PTPN14: variants seen among roughly 807,000 people sequenced by gnomAD.
PTPN14 encodes the protein protein tyrosine phosphatase non-receptor type 14.
PTPN14 carries 53 observed loss-of-function variants against 126.8 expected under a neutral mutation model. That is an observed-to-expected ratio of 0.42 (90% CI 0.34 to 0.53). The LOEUF (loss-of-function observed/expected upper bound fraction) is 0.53, where lower values mean the gene tolerates loss of function less well. PTPN14 is among the 20% of genes least tolerant of loss of function. The probability of loss-of-function intolerance (pLI) is 0.08; values close to 1 mark genes in which losing one functional copy is unlikely to be tolerated. For synonymous variants in PTPN14, 630 were observed against 599.3 expected, an observed-to-expected ratio of 1.05 and a Z score of -0.75; for missense variants, 1,257 against 1,552.9, an observed-to-expected ratio of 0.81 and a Z score of 3.20.
intron 3 of PTPN14, among the ~76,000 whole-genome samples, chr1:214,416,973 A>G (rs1659441071): frequency 6.6e-6 from 1 of 152,068 alleles, no homozygotes; most frequent in African/African-American, 2.4e-5. Context: ...ATGCAATTTC[A>G]TGGAAGTATA....
intron 3 of PTPN14, among the ~76,000 whole-genome samples, chr1:214,417,020 GA>G (rs60070494): frequency 0.013 from 1,860 of 141,066 alleles, 46 homozygotes; most frequent in African/African-American, 0.044. Context: ...AGGGGAAAAG[GA>G]AAAAAAAAAA....
chr1:214,395,286 T>C (rs918245100), intron 8 of PTPN14, among the ~76,000 whole-genome samples: 1 of 152,164 alleles, frequency 6.6e-6, no homozygotes, highest in African/African-American at 2.4e-5. Context: ...TTTTTTCACA[T>C]TTCCAAAGTG....
chr1:214,497,673 A>G (rs984116159), intron 1 of PTPN14, among the ~76,000 whole-genome samples: 1 of 152,220 alleles, frequency 6.6e-6, no homozygotes, highest in African/African-American at 2.4e-5. Flanking sequence ...TACTCCTGAG[A>G]CAGGCAGCTT....
chr1:214,457,946 G>A (rs759953618), intron 2 of PTPN14, among the ~76,000 whole-genome samples: 2 of 152,014 alleles, frequency 1.3e-5, no homozygotes, highest in Non-Finnish European at 2.9e-5. Context: ...GCTGTTCGAG[G>A]AACTGAAAGA....
intron 1 of PTPN14, among the ~76,000 whole-genome samples, chr1:214,476,042 A>C (rs1447611243): frequency 1.3e-5 from 2 of 152,200 alleles, no homozygotes; most frequent in Non-Finnish European, 2.9e-5. Flanking sequence ...CCCACAGCGG[A>C]CATTACTCAG....
chr1:214,357,672 T>C lies in PTPN14; in HGVS notation c.*250A>G. On this transcript the variant is annotated 3_prime_UTR_variant, in exon 19 of 19. Transcript: ENST00000366956. ...CAGATCAGTCAAGATGTGGTTCAAA[T>C]GAAAAGTACTATATTACTAGGGAAA... The C allele has an allele frequency of 3.2e-6, 1 of 309,344 alleles. No individual in the cohort carries two copies. The allele number at this position is 309,344 out of a possible 1,614,324, so 19.2% of individuals were successfully genotyped here.
intron 3 of PTPN14, among the ~76,000 whole-genome samples, 164 bp from the exon 4 acceptor site, chr1:214,414,890 G>A (rs2102585186): frequency 6.6e-6 from 1 of 152,308 alleles, no homozygotes; most frequent in East Asian, 1.9e-4. Flanking sequence ...ACCTCTGCCT[G>A]TGTTTATCTT....
intron 1 of PTPN14, among the ~76,000 whole-genome samples, chr1:214,479,956 C>A (rs1660950199): frequency 1.3e-5 from 2 of 152,028 alleles, no homozygotes; most frequent in African/African-American, 4.8e-5. Context: ...TATTTGATAT[C>A]TTTCATTATT....
At chr1:214,420,944 G>C (rs1339583731) in intron 3 of PTPN14, among the ~76,000 whole-genome samples, 3 of 152,200 alleles carry the variant, frequency 2.0e-5, no homozygotes, top group African/African-American at 7.2e-5. Context: ...AAAATGAAAT[G>C]AGTCTGTTTT....
intron 1 of PTPN14, among the ~76,000 whole-genome samples, chr1:214,521,326 G>C (rs1349053172): frequency 6.6e-6 from 1 of 152,310 alleles, no homozygotes; most frequent in East Asian, 1.9e-4. Context: ...ATATAGAAAA[G>C]AGCCCTCTGA....
chr1:214,506,353 T>A lies in PTPN14; in HGVS notation c.-154-41396A>T, dbSNP rs535222132. Among the ~76,000 whole-genome samples the A allele has an allele frequency of 2.5e-4, 37 of 148,314 alleles. 1 individual carries two copies. The East Asian group carries it at 3.5e-3, about 14-fold the overall frequency. ...GCCCCGTCTCTTAAATTTTTTTTTT[T>A]AAAATTTTTTAAATGAGCTGGGTGT... On this transcript the variant is annotated intron_variant, in intron 1 of 18. Coordinates refer to ENST00000366956, the MANE Select transcript of PTPN14 (RefSeq NM_005401.5).
intron 4 of PTPN14, 102 bp downstream of exon 4, chr1:214,414,527 A>C: frequency 9.4e-7 from 1 of 1,059,942 alleles, no homozygotes. Flanking sequence ...AGCATTACTA[A>C]GGGATCATTT....
intron 1 of PTPN14, among the ~76,000 whole-genome samples, chr1:214,533,635 T>C (rs1655618283): frequency 6.6e-6 from 1 of 151,264 alleles, no homozygotes; most frequent in Non-Finnish European, 1.5e-5. Context: ...ATCAAGACCA[T>C]CCTGGCTAAC....
rs74353074 is a variant in PTPN14 at position 214,355,976 on chromosome 1, T to C, written c.*1946A>G. The C allele has an allele frequency of 2.0e-5, 3 of 149,442 alleles. No individual in the cohort carries two copies. Among genetic ancestry groups the C allele is most frequent in the South Asian group, 4.3e-4 (2 of 4,664 alleles). The allele number at this position is 149,442 out of a possible 1,614,324, so 9.3% of individuals were successfully genotyped here. ...CTTTTTTCCTTTTTTTTTTTTTTTT[T>C]TGGAGGCAGGGTCTCTCCGTAGCCC... is the stretch of plus-strand genomic sequence containing the variant. On this transcript the variant is annotated 3_prime_UTR_variant, in exon 19 of 19. Transcript: ENST00000366956.
chr1:214,359,601 C>T (rs1657908931), intron 18 of PTPN14, among the ~76,000 whole-genome samples: 3 of 151,914 alleles, frequency 2.0e-5, no homozygotes, highest in Non-Finnish European at 4.4e-5. Flanking sequence ...CTCATTGCAA[C>T]ATCAACCTCC....
At position 214,464,634 on chromosome 1, in the gene PTPN14, C is replaced by G. The variant is rs755709746; in HGVS notation, c.170G>C (p.Arg57Pro). The G allele has an allele frequency of 8.1e-6, 13 of 1,614,016 alleles. No individual in the cohort carries two copies. Among genetic ancestry groups the G allele is most frequent in the South Asian group, 2.2e-5 (2 of 91,076 alleles). The change falls in exon 2 of 19, where the codon CGA becomes CCA. Residue 57 changes from arginine to proline, a missense_variant. Coordinates refer to ENST00000366956, the MANE Select transcript of PTPN14 (RefSeq NM_005401.5). ...ACACAGACACACCCCTCTTACCTCT[C>G]GCAGCTCCAGCCTCTGGGCCACAGC... ...LEAVAQRLEL[R>P]ETHYFGLWFL... is the part of the protein sequence containing the mutation.
intron 1 of PTPN14, among the ~76,000 whole-genome samples, chr1:214,493,106 T>G (rs1661286724): frequency 1.3e-5 from 2 of 152,178 alleles, no homozygotes; most frequent in South Asian, 4.2e-4. Context: ...CAAGACATGT[T>G]CGGAGGTCAG....
rs180859430 is a variant in PTPN14 at position 214,364,528 on chromosome 1, C to G, written c.3419G>C (p.Cys1140Ser). ...ATGACTCACTTCGTTATGTTCCAAG[C>G]AGTAGATCATCAGCTCAGAAAGAAT... ...VLILSELMIY[C>S]LEHNEKVEVP... The change falls in exon 18 of 19, where the codon TGC (cysteine) becomes TCC (serine). Residue 1140 changes from cysteine (C) to serine (S), a missense_variant. Physicochemically the swap from Cys to Ser is moderately radical, Grantham distance 112. Transcript: ENST00000366956. The surrounding 1 kb of genome is among the most constrained non-coding windows in gnomAD (Gnocchi z 4.1). 3.7e-5 allele frequency: 59 copies of G among 1,613,984 alleles called. No individual in the cohort carries two copies. Among genetic ancestry groups the G allele is most frequent in the Non-Finnish European group, 1.9e-5 (22 of 1,179,982 alleles).
At chr1:214,465,071 A>C in intron 1 of PTPN14, 114 bp from the exon 2 acceptor site, 1 of 385,068 alleles carries the variant, frequency 2.6e-6, no homozygotes, top group Non-Finnish European at 4.8e-6. Flanking sequence ...ACAGATCAAC[A>C]CTCAGGTTTG....
Sources: allele counts gnomAD v4.1 joint callset (sites outside exome capture counted in the v4.1 genomes callset), GRCh38; gene constraint gnomAD v4.1.1; non-coding constraint Gnocchi (gnomAD v3.1); transcripts MANE v1.5; gene names NCBI Gene and HGNC (gene_info 2026-07-23, HGNC 2026-07-21).